The following FNIP1 variants were observed in gnomAD, a reference collection of about 807,000 sequenced individuals.
FNIP1 encodes the protein folliculin interacting protein 1, also known as folliculin-interacting protein 1.
FNIP1 carries 40 observed loss-of-function variants against 124.5 expected under a neutral mutation model. That is an observed-to-expected ratio of 0.32 (90% confidence interval 0.25 to 0.42). FNIP1 has a LOEUF of 0.42. Among genes scored for constraint, FNIP1 ranks in the 10% least tolerant of loss-of-function variants. FNIP1 has a pLI of 1.00. For synonymous variants in FNIP1, 472 were observed against 470.6 expected (o/e 1.00, Z -0.04); for missense variants, 1,176 against 1,403.7 (o/e 0.84, Z 2.59).
intron 10 of FNIP1, 136 bp downstream of exon 10, chr5:131,703,929 A>G: frequency 1.5e-6 from 1 of 649,618 alleles, no homozygotes. Context: ...GGTTCAATCT[A>G]TTTGCATCCA....
At chr5:131,700,431 A>G (rs1768860891) in intron 10 of FNIP1, among the ~76,000 whole-genome samples, 1 of 151,902 alleles carries the variant, frequency 6.6e-6, no homozygotes, top group South Asian at 2.1e-4. Context: ...TATTCTTTAT[A>G]TAATTACAAA....
intron 1 of FNIP1, 25 bp downstream of exon 1, chr5:131,796,805 C>G: frequency 6.4e-7 from 1 of 1,555,376 alleles, no homozygotes; most frequent in African/African-American, 1.4e-5. Flanking sequence ...ATCGGCTCCG[C>G]GACCCCCGCC....
intron 1 of FNIP1, among the ~76,000 whole-genome samples, chr5:131,763,217 A>G (rs1771293819): frequency 6.6e-6 from 1 of 152,030 alleles, no homozygotes; most frequent in Admixed American, 6.6e-5. Flanking sequence ...TAGATACCCC[A>G]TTTACCTTGA....
intron 15 of FNIP1, among the ~76,000 whole-genome samples, chr5:131,663,616 G>A (rs992122894): frequency 1.3e-5 from 2 of 152,200 alleles, no homozygotes; most frequent in African/African-American, 4.8e-5. Flanking sequence ...TTTGCTGGAT[G>A]CTTTAAGGTG....
At chr5:131,734,255 G>T (rs1360528022) in intron 2 of FNIP1, among the ~76,000 whole-genome samples, 2 of 151,922 alleles carry the variant, frequency 1.3e-5, no homozygotes, top group Non-Finnish European at 2.9e-5. Context: ...TATCAATTTT[G>T]TTGATCTTTT....
chr5:131,704,283 T>A lies in FNIP1; in HGVS notation c.915-17A>T. ...TCTATAGACCTTAAAAATAAATGAT[T>A]TTTTATTAATTTACAAAAGTAAAAA... On this transcript the variant is annotated splice_polypyrimidine_tract_variant and intron_variant, in intron 9 of 17. Coordinates refer to ENST00000510461, the MANE Select transcript of FNIP1 (RefSeq NM_133372.3). 6.6e-7 allele frequency: 1 copy of A among 1,519,220 alleles called. No individual in the cohort carries two copies. Among genetic ancestry groups the A allele is most frequent in the African/African-American group, 1.4e-5 (1 of 70,648 alleles). 94.1% of individuals were successfully genotyped at this position (1,519,220 alleles called of 1,614,324 possible).
chr5:131,643,700 A>G lies in FNIP1; in HGVS notation c.*985T>C, dbSNP rs900425852. 4 of 152,830 alleles carry G rather than the reference A, an allele frequency of 2.6e-5. No homozygotes were observed. The highest frequency in any genetic ancestry group is 2.6e-4 in the Admixed American group (4 of 15,290). 9.5% of individuals were successfully genotyped at this position (152,830 alleles called of 1,614,324 possible). ...GAATAGTGTAAATTGAGGATTATTA[A>G]GCAGTGAAACAAATATTCAGCTCCT... On this transcript the variant is annotated 3_prime_UTR_variant, in exon 18 of 18. Transcript: ENST00000510461.
chr5:131,646,032 T>G (rs1447458573), intron 17 of FNIP1, among the ~76,000 whole-genome samples: 1 of 152,224 alleles, frequency 6.6e-6, no homozygotes. Context: ...TGGTTACATT[T>G]ATGTTACTTT....
chr5:131,664,217 T>C (rs1767526408), intron 15 of FNIP1, among the ~76,000 whole-genome samples: 1 of 152,196 alleles, frequency 6.6e-6, no homozygotes. Context: ...AGTGAATTGA[T>C]CTACTGCTTA....
chr5:131,731,696 C>G (rs950457017), intron 2 of FNIP1, among the ~76,000 whole-genome samples: 1 of 151,134 alleles, frequency 6.6e-6, no homozygotes, highest in Non-Finnish European at 1.5e-5. Context: ...AATGTTCTTA[C>G]AAGTTATCGA....
chr5:131,684,828 C>T (rs1768216518), intron 11 of FNIP1, among the ~76,000 whole-genome samples: 1 of 152,176 alleles, frequency 6.6e-6, no homozygotes, highest in African/African-American at 2.4e-5. Context: ...TGCCACAAAG[C>T]TTGTGACTGC....
At chr5:131,781,714 A>C (rs1235259284) in intron 1 of FNIP1, among the ~76,000 whole-genome samples, 4 of 152,220 alleles carry the variant, frequency 2.6e-5, no homozygotes, top group Non-Finnish European at 5.9e-5. Flanking sequence ...TCTTGTCACC[A>C]AAGAGCTCCA....
intron 1 of FNIP1, chr5:131,796,405 C>T: frequency 5.5e-6 from 1 of 182,650 alleles, no homozygotes; most frequent in Non-Finnish European, 1.1e-5. Flanking sequence ...TGGAACGCAG[C>T]GCCCGGAGGA....
At chr5:131,742,123 G>A (rs1195671824) in intron 2 of FNIP1, among the ~76,000 whole-genome samples, 2 of 152,096 alleles carry the variant, frequency 1.3e-5, no homozygotes, top group Admixed American at 1.3e-4. Flanking sequence ...ATAACTCATG[G>A]CGACATTATG....
At chr5:131,719,212 A>C (rs1392558090) in intron 4 of FNIP1, 105 bp downstream of exon 4, 1 of 1,173,342 alleles carries the variant, frequency 8.5e-7, no homozygotes, top group African/African-American at 1.6e-5. Flanking sequence ...TGTTAAATGG[A>C]GTATGACAAG....
intron 3 of FNIP1, 102 bp from the exon 4 acceptor site, chr5:131,719,519 TAA>T (rs1165987973): frequency 1.5e-5 from 16 of 1,052,230 alleles, no homozygotes; most frequent in African/African-American, 3.2e-5. Flanking sequence ...TATTCTACAT[TAA>T]GAGTTGTACT....
At chr5:131,737,375 T>TA (rs766032921) in intron 2 of FNIP1, among the ~76,000 whole-genome samples, 1 of 152,210 alleles carries the variant, frequency 6.6e-6, no homozygotes, top group Non-Finnish European at 1.5e-5. Flanking sequence ...GGTGTGTTTT[T>TA]ATGCTTTAGT....
At position 131,704,246 on chromosome 5, in the gene FNIP1, T is replaced by G. The variant is rs1769001533; in HGVS notation, c.935A>C (p.Asn312Thr). Residue 312 changes from asparagine to threonine, a missense_variant, in exon 10 of 18, where the codon AAT becomes ACT. Physicochemically the swap from Asn to Thr is moderately conservative, Grantham distance 65. Around this residue, in one of 2 missense-constraint regions of FNIP1, gnomAD observed 1,109 missense variants for 1,288.5 expected, o/e 0.86. Coordinates refer to ENST00000510461, the MANE Select transcript of FNIP1 (RefSeq NM_133372.3). ...AGGGCCACAGCTTTCATCTGAGAGA[T>G]TAAAGCTTTCTTCTATAGACCTTAA... is the stretch of plus-strand genomic sequence containing the variant. ...FPRWSIEESF[N>T]LSDESCGPNP... The G allele has an allele frequency of 2.5e-6, 4 of 1,612,098 alleles. 1 individual carries two copies. In the South Asian group the frequency reaches 3.3e-5, roughly 13 times the overall value.
chr5:131,698,813 A>G, intron 11 of FNIP1, 104 bp downstream of exon 11: 1 of 935,828 alleles, frequency 1.1e-6, no homozygotes, highest in Non-Finnish European at 1.6e-6. Context: ...TCATATGACT[A>G]TAGGACAAAG....
Sources: gnomAD v4.1 joint callset for allele counts (sites outside exome capture counted in the v4.1 genomes callset) on GRCh38, gnomAD v4.1.1 for gene constraint, gnomAD v4.1.1 regional missense constraint, MANE v1.5 for transcripts, NCBI Gene and HGNC (gene_info 2026-07-23, HGNC 2026-07-21) for gene names.